Variants in GPC5 observed in about 807,000 individuals in gnomAD.
GPC5 encodes glypican-5.
Under a neutral mutation model 53.9 loss-of-function variants are expected in GPC5, and 47 were observed. The observed-to-expected ratio is 0.87, with a 90% CI of 0.69 to 1.11. GPC5 has a LOEUF of 1.11. Among genes scored for constraint, GPC5 ranks in the 50% most tolerant of loss-of-function variants. GPC5 has a pLI of 0.00. For missense variants in GPC5, 748 were observed against 713.1 expected, an observed-to-expected ratio of 1.05 and a Z score of -0.56; for synonymous variants, 286 against 263.3, an observed-to-expected ratio of 1.09 and a Z score of -0.84.
At chr13:92,589,815 G>T (rs1271896157) in intron 7 of GPC5, among the ~76,000 whole-genome samples, 2 of 152,160 alleles carry the variant, frequency 1.3e-5, no homozygotes, top group African/African-American at 4.8e-5. Context: ...ATTCATCATT[G>T]TTTCACATGT....
intron 5 of GPC5, among the ~76,000 whole-genome samples, chr13:91,784,622 G>C (rs574583): frequency 0.37 from 56,456 of 151,628 alleles, 12,076 homozygotes; most frequent in African/African-American, 0.59. Flanking sequence ...TACTTGGGAG[G>C]CTGAGGCACG....
chr13:91,514,272 TAA>T (rs987510885), intron 2 of GPC5, among the ~76,000 whole-genome samples: 1 of 152,172 alleles, frequency 6.6e-6, no homozygotes, highest in Non-Finnish European at 1.5e-5. Context: ...CAGCAATGTG[TAA>T]AAGATTCAGT....
chr13:92,326,291 A>G (rs2043250337), intron 7 of GPC5, among the ~76,000 whole-genome samples: 1 of 152,086 alleles, frequency 6.6e-6, no homozygotes, highest in Non-Finnish European at 1.5e-5. Flanking sequence ...AATAAAAGAA[A>G]GTATGGGTTT....
At chr13:92,738,197 T>A (rs1342843832) in intron 7 of GPC5, among the ~76,000 whole-genome samples, 1 of 152,090 alleles carries the variant, frequency 6.6e-6, no homozygotes, top group Non-Finnish European at 1.5e-5. Flanking sequence ...ATCTATGTCA[T>A]CTCTTTGACA....
intron 1 of GPC5, among the ~76,000 whole-genome samples, chr13:91,416,278 C>T (rs996824075): frequency 2.0e-5 from 3 of 152,080 alleles, no homozygotes; most frequent in Admixed American, 6.5e-5. Flanking sequence ...ACTAGCAAAA[C>T]GCAAACTGTG....
At chr13:91,666,227 T>C (rs958121288) in intron 2 of GPC5, among the ~76,000 whole-genome samples, 1 of 152,302 alleles carries the variant, frequency 6.6e-6, no homozygotes, top group African/African-American at 2.4e-5. Flanking sequence ...GACACCATGA[T>C]CTCTCAAGAG....
chr13:91,539,034 T>C (rs189259201), intron 2 of GPC5, among the ~76,000 whole-genome samples: 2 of 152,352 alleles, frequency 1.3e-5, no homozygotes, highest in Admixed American at 1.3e-4. Flanking sequence ...TCACTGTGTA[T>C]AATGCTAGTC....
intron 2 of GPC5, 46 bp downstream of exon 2, chr13:91,448,968 T>C: frequency 6.3e-7 from 1 of 1,586,200 alleles, no homozygotes; most frequent in Non-Finnish European, 8.6e-7. Flanking sequence ...CCGTGTTATG[T>C]AATTTGCCTA....
At chr13:91,640,240 C>G (rs2034391299) in intron 2 of GPC5, among the ~76,000 whole-genome samples, 1 of 152,048 alleles carries the variant, frequency 6.6e-6, no homozygotes, top group East Asian at 1.9e-4. Flanking sequence ...CTCTATCTAT[C>G]TGATAAAGGT....
At chr13:92,474,404 C>T (rs1227635335) in intron 7 of GPC5, among the ~76,000 whole-genome samples, 1 of 151,864 alleles carries the variant, frequency 6.6e-6, no homozygotes, top group African/African-American at 2.4e-5. Flanking sequence ...GTTACGGTGG[C>T]CATTTGCATT....
chr13:91,671,237 A>G (rs1266166218), intron 2 of GPC5, among the ~76,000 whole-genome samples: 1 of 152,186 alleles, frequency 6.6e-6, no homozygotes, highest in African/African-American at 2.4e-5. Context: ...AGTTCATAGT[A>G]AAGTTTAGTA....
intron 7 of GPC5, among the ~76,000 whole-genome samples, chr13:92,178,597 T>C (rs535682389): frequency 7.9e-5 from 12 of 152,208 alleles, no homozygotes; most frequent in Admixed American, 7.9e-4. Flanking sequence ...CAACAGTTGC[T>C]AATTCCTTAC....
intron 7 of GPC5, among the ~76,000 whole-genome samples, chr13:92,415,792 G>C (rs574738065): frequency 6.6e-6 from 1 of 152,244 alleles, no homozygotes; most frequent in South Asian, 2.1e-4. Context: ...GAGGGGCTTT[G>C]ATCATATCAA....
intron 7 of GPC5, among the ~76,000 whole-genome samples, chr13:92,326,873 T>A (rs1204729093): frequency 6.6e-6 from 1 of 152,136 alleles, no homozygotes; most frequent in Admixed American, 6.6e-5. Context: ...CATCAGGCTC[T>A]ATGGTCAGGG....
intron 7 of GPC5, among the ~76,000 whole-genome samples, chr13:92,177,909 A>G (rs183516992): frequency 6.6e-6 from 1 of 152,304 alleles, no homozygotes; most frequent in East Asian, 1.9e-4. Flanking sequence ...ATAATTAAAG[A>G]TGCCCCAGTA....
intron 7 of GPC5, among the ~76,000 whole-genome samples, chr13:92,194,809 A>C (rs779701685): frequency 6.6e-6 from 1 of 152,230 alleles, no homozygotes; most frequent in African/African-American, 2.4e-5. Flanking sequence ...TTCTCCAACA[A>C]CATGGTCTTT....
chr13:92,020,292 A>G (rs2040746103), intron 6 of GPC5, among the ~76,000 whole-genome samples: 1 of 152,118 alleles, frequency 6.6e-6, no homozygotes, highest in Admixed American at 6.6e-5. Flanking sequence ...TCCTTAATCT[A>G]CATAACCTAC....
intron 7 of GPC5, among the ~76,000 whole-genome samples, chr13:92,807,575 CA>C (rs1205148275): frequency 6.6e-6 from 1 of 151,972 alleles, no homozygotes; most frequent in African/African-American, 2.4e-5. Flanking sequence ...GTGTTGGCTG[CA>C]GTAAAGCAAC....
chr13:91,779,422 G>A (rs550055250), intron 5 of GPC5, among the ~76,000 whole-genome samples: 263 of 152,014 alleles, frequency 1.7e-3, no homozygotes, highest in Non-Finnish European at 3.1e-3. Context: ...GTGCAGTGGC[G>A]TGGTCTTGGC....
Sources: allele counts gnomAD v4.1 joint callset (sites outside exome capture counted in the v4.1 genomes callset), GRCh38; gene constraint gnomAD v4.1.1; transcripts MANE v1.5; gene names NCBI Gene and HGNC (gene_info 2026-07-23, HGNC 2026-07-21).